NKAIN2: variants seen among roughly 807,000 people sequenced by gnomAD.
NKAIN2 encodes sodium/potassium-transporting ATPase subunit beta-1-interacting protein 2.
NKAIN2 carries 14 observed loss-of-function variants against 32.6 expected under a neutral mutation model. The observed-to-expected ratio is 0.43, with a 90% confidence interval of 0.28 to 0.67. The LOEUF is 0.67. Among genes scored for constraint, NKAIN2 ranks in the 30% least tolerant of loss-of-function variants. The pLI, the probability that NKAIN2 is intolerant of heterozygous loss-of-function variation, is 0.17. For synonymous variants in NKAIN2, 80 were observed against 87.2 expected (o/e 0.92, Z 0.46); for missense variants, 198 against 258.3 (o/e 0.77, Z 1.60).
At chr6:124,279,077 A>G (rs930830912) in intron 1 of NKAIN2, among the ~76,000 whole-genome samples, 2 of 152,172 alleles carry the variant, frequency 1.3e-5, no homozygotes, top group Non-Finnish European at 2.9e-5. Flanking sequence ...TTACACATAC[A>G]TGACAGATAT....
chr6:124,634,816 G>T (rs1005273685), intron 3 of NKAIN2, among the ~76,000 whole-genome samples: 1 of 151,840 alleles, frequency 6.6e-6, no homozygotes, highest in Non-Finnish European at 1.5e-5. Flanking sequence ...GCCAAAGAGA[G>T]AATTCTAAAA....
At chr6:124,624,681 A>G (rs77120503) in intron 3 of NKAIN2, among the ~76,000 whole-genome samples, 4,981 of 152,284 alleles carry the variant, frequency 0.033, 244 homozygotes, top group African/African-American at 0.11. Flanking sequence ...TACACTTTTT[A>G]GGATAAGACT....
chr6:124,018,319 G>A (rs1780687206), intron 1 of NKAIN2, among the ~76,000 whole-genome samples: 1 of 152,176 alleles, frequency 6.6e-6, no homozygotes, highest in Non-Finnish European at 1.5e-5. Flanking sequence ...AGGAGAGGCT[G>A]CCACAGAAGT....
intron 1 of NKAIN2, among the ~76,000 whole-genome samples, chr6:124,023,139 A>G (rs948819845): frequency 4.6e-5 from 7 of 151,462 alleles, no homozygotes; most frequent in African/African-American, 1.7e-4. Flanking sequence ...CTTACAAGCA[A>G]CCTCTACTAG....
At chr6:124,672,603 T>G (rs563951548) in intron 4 of NKAIN2, among the ~76,000 whole-genome samples, 13 of 152,186 alleles carry the variant, frequency 8.5e-5, no homozygotes, top group African/African-American at 3.1e-4. Context: ...AGATTGATCA[T>G]TCATGAATAT....
chr6:124,569,576 C>G (rs1017380128), intron 3 of NKAIN2, among the ~76,000 whole-genome samples: 1 of 152,062 alleles, frequency 6.6e-6, no homozygotes, highest in Non-Finnish European at 1.5e-5. Context: ...GAATAAGGCT[C>G]GTGAGATCTG....
At chr6:124,135,483 A>G (rs1786720607) in intron 1 of NKAIN2, among the ~76,000 whole-genome samples, 1 of 148,986 alleles carries the variant, frequency 6.7e-6, no homozygotes. Context: ...CTATTCTTAT[A>G]TCACACAAAA....
chr6:124,393,571 G>A (rs1299896427), intron 3 of NKAIN2, among the ~76,000 whole-genome samples: 3 of 151,968 alleles, frequency 2.0e-5, no homozygotes, highest in Non-Finnish European at 2.9e-5. Context: ...ACTGAGTGAC[G>A]GTTAAAAAGC....
chr6:124,242,270 A>G (rs1793146107), intron 1 of NKAIN2, among the ~76,000 whole-genome samples: 1 of 152,140 alleles, frequency 6.6e-6, no homozygotes, highest in African/African-American at 2.4e-5. Context: ...AGACATTTAT[A>G]CGGCCAACAA....
At chr6:124,592,108 A>C (rs1445890018) in intron 3 of NKAIN2, among the ~76,000 whole-genome samples, 5 of 152,172 alleles carry the variant, frequency 3.3e-5, no homozygotes, top group African/African-American at 9.7e-5. Flanking sequence ...ATACTTACTC[A>C]ACTATGTTGA....
intron 1 of NKAIN2, among the ~76,000 whole-genome samples, chr6:124,147,427 GAAA>G (rs1263493379): frequency 6.6e-6 from 1 of 150,436 alleles, no homozygotes; most frequent in African/African-American, 2.4e-5. Context: ...GGAACTGGAA[GAAA>G]AAAAAATCCA....
chr6:124,623,300 C>A (rs1038896123), intron 3 of NKAIN2, among the ~76,000 whole-genome samples: 2 of 152,008 alleles, frequency 1.3e-5, no homozygotes, highest in African/African-American at 4.8e-5. Context: ...TATGATGGGG[C>A]TGCAAAGGAA....
chr6:124,672,102 T>C (rs1773134748), intron 4 of NKAIN2, among the ~76,000 whole-genome samples: 1 of 152,042 alleles, frequency 6.6e-6, no homozygotes, highest in South Asian at 2.1e-4. Context: ...ACTAGATTGT[T>C]AGTCTGGGGA....
At chr6:124,054,661 T>A (rs1782568484) in intron 1 of NKAIN2, among the ~76,000 whole-genome samples, 2 of 152,062 alleles carry the variant, frequency 1.3e-5, no homozygotes, top group African/African-American at 4.8e-5. Flanking sequence ...TGACTCTGAT[T>A]TCCTGATCAG....
chr6:123,935,748 T>C (rs1385353872), intron 1 of NKAIN2, among the ~76,000 whole-genome samples: 2 of 152,116 alleles, frequency 1.3e-5, no homozygotes, highest in Non-Finnish European at 2.9e-5. Context: ...TACAGGATCG[T>C]CATCTAATTC....
At chr6:124,711,931 T>G (rs917297889) in intron 4 of NKAIN2, among the ~76,000 whole-genome samples, 1 of 152,134 alleles carries the variant, frequency 6.6e-6, no homozygotes, top group Non-Finnish European at 1.5e-5. Flanking sequence ...TGTTCTGTTT[T>G]TTCCCCATCT....
chr6:123,910,499 G>T (rs201448494), intron 1 of NKAIN2, among the ~76,000 whole-genome samples: 108 of 81,204 alleles, frequency 1.3e-3, no homozygotes, highest in Middle Eastern at 9.3e-3. Context: ...TGCAATGCAT[G>T]TTTTTTTTTT....
chr6:124,578,411 GT>G (rs1651720185), intron 3 of NKAIN2, among the ~76,000 whole-genome samples: 1 of 152,124 alleles, frequency 6.6e-6, no homozygotes, highest in South Asian at 2.1e-4. Flanking sequence ...TGGGCCTTGA[GT>G]GAACATTGGC....
chr6:123,841,934 C>T (rs1016321369), intron 1 of NKAIN2, among the ~76,000 whole-genome samples: 3 of 152,048 alleles, frequency 2.0e-5, no homozygotes, highest in African/African-American at 7.2e-5. Context: ...TTTCAAAAGT[C>T]GCATTGAGAG....
Sources: gnomAD v4.1 joint callset for allele counts (sites outside exome capture counted in the v4.1 genomes callset) on GRCh38, gnomAD v4.1.1 for gene constraint, MANE v1.5 for transcripts, NCBI Gene and HGNC (gene_info 2026-07-23, HGNC 2026-07-21) for gene names.